Variants in TXNRD1 observed in about 807,000 individuals in gnomAD.
The protein encoded by TXNRD1 is thioredoxin reductase 1.
Under a neutral mutation model 80.3 loss-of-function variants are expected in TXNRD1, and 57 were observed. The ratio of observed to expected loss-of-function variants is 0.71; its 90% CI spans 0.57 to 0.89. The LOEUF is 0.89. TXNRD1 is among the 40% of genes least tolerant of loss of function. The probability of loss-of-function intolerance (pLI) is 0.00; values close to 1 mark genes in which losing one functional copy is unlikely to be tolerated. For missense variants in TXNRD1, 730 were observed against 803.0 expected (o/e 0.91, Z 1.10); for synonymous variants, 291 against 285.2 (o/e 1.02, Z -0.20).
chr12:104,324,306 A>G (rs1030431524), intron 10 of TXNRD1, among the ~76,000 whole-genome samples: 6 of 151,570 alleles, frequency 4.0e-5, no homozygotes, highest in South Asian at 2.1e-4. Context: ...TTTATTATTT[A>G]TTGATGTCAA....
chr12:104,252,887 A>G (rs963350505), intron 2 of TXNRD1, among the ~76,000 whole-genome samples: 54 of 151,056 alleles, frequency 3.6e-4, no homozygotes, highest in African/African-American at 1.2e-3. Flanking sequence ...TATTTTTAGT[A>G]CAGACGGGTT....
At chr12:104,265,315 G>A in intron 3 of TXNRD1, 1 of 1,606,928 alleles carries the variant, frequency 6.2e-7, no homozygotes, top group South Asian at 1.1e-5. Flanking sequence ...CGCCATGAAG[G>A]CCTCGGGCAC....
At position 104,322,738 on chromosome 12, in the gene TXNRD1, A is replaced by T. The variant is rs117018073; in HGVS notation, c.1215+1422A>T. Among the ~76,000 whole-genome samples the T allele has an allele frequency of 5.4e-3, 828 of 152,272 alleles. 3 individuals carry two copies. The highest frequency in any genetic ancestry group is 8.5e-3 in the Non-Finnish European group (581 of 68,020). The stretch of plus-strand genomic sequence containing the variant: ...TATATTTGCATTAGAGCTATGATTC[A>T]TAAACAACAGTTGTATGTATATGCT... On this transcript the variant is annotated intron_variant, in intron 10 of 16. Transcript: ENST00000525566.
chr12:104,282,454 C>G (rs961899277), intron 3 of TXNRD1, among the ~76,000 whole-genome samples: 4 of 152,154 alleles, frequency 2.6e-5, no homozygotes, highest in African/African-American at 9.7e-5. Context: ...TCACAAGTAC[C>G]TCCTCTTTCC....
At chr12:104,271,512 C>T (rs994409917) in intron 3 of TXNRD1, among the ~76,000 whole-genome samples, 2 of 151,990 alleles carry the variant, frequency 1.3e-5, no homozygotes, top group African/African-American at 2.4e-5. Context: ...TTGGGATAGG[C>T]GGTGGAGTTA....
intron 3 of TXNRD1, 84 bp downstream of exon 3, chr12:104,258,163 C>T (rs186743622): frequency 2.4e-5 from 27 of 1,136,586 alleles, no homozygotes; most frequent in Non-Finnish European, 3.3e-5. Context: ...ATTTGTCTTC[C>T]TTGAGGTTTT....
intron 1 of TXNRD1, among the ~76,000 whole-genome samples, chr12:104,229,787 T>G (rs2032573069): frequency 1.3e-5 from 2 of 151,790 alleles, no homozygotes; most frequent in Admixed American, 1.3e-4. Context: ...GAGATGGGGT[T>G]GCACCATGTT....
intron 2 of TXNRD1, among the ~76,000 whole-genome samples, chr12:104,255,754 T>C (rs565590351): frequency 6.6e-6 from 1 of 151,994 alleles, no homozygotes; most frequent in Non-Finnish European, 1.5e-5. Context: ...GATCGCACCA[T>C]TGCACTCCAG....
At chr12:104,262,779 T>G (rs77945807) in intron 3 of TXNRD1, among the ~76,000 whole-genome samples, 1 of 24,866 alleles carries the variant, frequency 4.0e-5, no homozygotes, top group African/African-American at 9.9e-5. Flanking sequence ...CTTGTTTGTG[T>G]TTTTTTTTTC....
chr12:104,257,670 A>C (rs2033287121), intron 2 of TXNRD1, among the ~76,000 whole-genome samples: 1 of 152,080 alleles, frequency 6.6e-6, no homozygotes, highest in Non-Finnish European at 1.5e-5. Flanking sequence ...CAGCCTCCCA[A>C]AGTGCTGGGA....
At chr12:104,340,867 A>T (rs1343422395) in intron 16 of TXNRD1, among the ~76,000 whole-genome samples, 1 of 152,222 alleles carries the variant, frequency 6.6e-6, no homozygotes, top group Non-Finnish European at 1.5e-5. Flanking sequence ...TTAAAAATGT[A>T]GATGCCATTT....
chr12:104,277,272 C>T (rs1412468141), intron 3 of TXNRD1, among the ~76,000 whole-genome samples: 12 of 149,362 alleles, frequency 8.0e-5, no homozygotes, highest in African/African-American at 2.2e-4. Flanking sequence ...TGGTGGCGGG[C>T]GCCTATAGTA....
intron 4 of TXNRD1, among the ~76,000 whole-genome samples, chr12:104,290,753 A>ATATATATG (rs1315195074): frequency 1.4e-4 from 16 of 113,980 alleles, no homozygotes; most frequent in Non-Finnish European, 2.6e-4. Context: ...ATATATATAT[A>ATATATATG]TATATGTATA....
intron 4 of TXNRD1, among the ~76,000 whole-genome samples, chr12:104,299,454 T>A (rs1302371821): frequency 1.3e-5 from 2 of 151,472 alleles, no homozygotes; most frequent in African/African-American, 2.4e-5. Flanking sequence ...CACACAAACA[T>A]AACTTTAAAG....
chr12:104,236,018 C>T (rs746425914), intron 1 of TXNRD1, among the ~76,000 whole-genome samples: 2 of 152,062 alleles, frequency 1.3e-5, no homozygotes, highest in African/African-American at 2.4e-5. Flanking sequence ...ACCTTAAGAG[C>T]GGTTTAGGGA....
At chr12:104,265,543 A>G (rs4569071) in intron 3 of TXNRD1, 1,097,232 of 1,608,224 alleles carry the variant, frequency 0.68, 376,384 homozygotes, top group East Asian at 0.86. Flanking sequence ...GAAGAACTTC[A>G]GGATCTGGCT....
At chr12:104,227,812 C>T (rs1386851014) in intron 1 of TXNRD1, among the ~76,000 whole-genome samples, 1 of 152,146 alleles carries the variant, frequency 6.6e-6, no homozygotes, top group African/African-American at 2.4e-5. Flanking sequence ...TTTTTTCACA[C>T]AGCATAATAC....
intron 1 of TXNRD1, among the ~76,000 whole-genome samples, chr12:104,223,299 A>G (rs953660986): frequency 2.0e-5 from 3 of 152,196 alleles, no homozygotes; most frequent in Non-Finnish European, 2.9e-5. Context: ...GCTGCACTCT[A>G]TATAGGGTCA....
chr12:104,222,430 G>T (rs1286773819), intron 1 of TXNRD1, among the ~76,000 whole-genome samples: 3 of 152,066 alleles, frequency 2.0e-5, no homozygotes, highest in African/African-American at 7.2e-5. Context: ...ATAAATGAAA[G>T]AACCAATAAA....
Sources: gnomAD v4.1 joint callset for allele counts (sites outside exome capture counted in the v4.1 genomes callset) on GRCh38, gnomAD v4.1.1 for gene constraint, MANE v1.5 for transcripts, NCBI Gene and HGNC (gene_info 2026-07-23, HGNC 2026-07-21) for gene names.